Variants in DRC8 observed in about 807,000 individuals in gnomAD.
The protein encoded by DRC8 is dynein regulatory complex subunit 8, also known as dynein regulatory complex protein 8.
At chr1:245,075,507 C>T in the DRC8 span, 1 of 152,174 alleles carries the variant, frequency 6.6e-6, no homozygotes, top group Non-Finnish European at 1.5e-5. Context: ...GAATTTGGGC[C>T]CCTTTGTGTG....
At chr1:245,029,711 T>G in the DRC8 span, among the ~76,000 whole-genome samples, 5 of 151,928 alleles carry the variant, frequency 3.3e-5, no homozygotes, top group Admixed American at 6.6e-5. Context: ...TTCTCCTGCC[T>G]CAGCCTCCCA....
At chr1:245,029,888 G>T in the DRC8 span, among the ~76,000 whole-genome samples, 2 of 152,284 alleles carry the variant, frequency 1.3e-5, no homozygotes, top group East Asian at 3.9e-4. Flanking sequence ...GAGCCACTGT[G>T]CCCAGCCTAT....
At chr1:245,114,879 C>T in the DRC8 span, among the ~76,000 whole-genome samples, 1 of 151,782 alleles carries the variant, frequency 6.6e-6, no homozygotes, top group Non-Finnish European at 1.5e-5. Flanking sequence ...GCACATGCCA[C>T]CATGCCCAAC....
At chr1:245,118,800 G>C in the DRC8 span, among the ~76,000 whole-genome samples, 1 of 70,994 alleles carries the variant, frequency 1.4e-5, no homozygotes, top group African/African-American at 8.5e-5. Context: ...CTCAAAAAAA[G>C]AAAAGAAAAG....
At chr1:245,076,210 A>G in the DRC8 span, among the ~76,000 whole-genome samples, 1 of 152,226 alleles carries the variant, frequency 6.6e-6, no homozygotes, top group East Asian at 1.9e-4. Flanking sequence ...ATTGCATGTC[A>G]TAGAACCAGA....
the DRC8 span, chr1:245,082,176 T>A: frequency 1.2e-6 from 2 of 1,600,934 alleles, no homozygotes; most frequent in Non-Finnish European, 1.7e-6. Flanking sequence ...AGTAAGTAAA[T>A]GCAATTGTTA....
At chr1:245,091,539 TGC>T in the DRC8 span, 17 of 152,342 alleles carry the variant, frequency 1.1e-4, no homozygotes, top group African/African-American at 4.1e-4. Flanking sequence ...GCGTCGAGAT[TGC>T]CTACCTCCCC....
the DRC8 span, among the ~76,000 whole-genome samples, chr1:244,987,910 C>T: frequency 1.3e-5 from 2 of 152,266 alleles, no homozygotes; most frequent in African/African-American, 4.8e-5. Context: ...CTCAGCTGCA[C>T]TATTTGTTTA....
At chr1:245,040,671 G>A in the DRC8 span, among the ~76,000 whole-genome samples, 1 of 152,204 alleles carries the variant, frequency 6.6e-6, no homozygotes, top group Non-Finnish European at 1.5e-5. Flanking sequence ...TCTGGGCACG[G>A]TGGCTCATGC....
At chr1:244,988,819 A>G in the DRC8 span, among the ~76,000 whole-genome samples, 22 of 152,340 alleles carry the variant, frequency 1.4e-4, no homozygotes, top group African/African-American at 4.8e-4. Flanking sequence ...GAATATTCCT[A>G]TAGTTCAGGT....
At chr1:245,031,622 T>A in the DRC8 span, among the ~76,000 whole-genome samples, 1 of 152,142 alleles carries the variant, frequency 6.6e-6, no homozygotes, top group Non-Finnish European at 1.5e-5. Flanking sequence ...TCTCCATGAC[T>A]ATTGTGTTAA....
the DRC8 span, among the ~76,000 whole-genome samples, chr1:245,030,116 G>A: frequency 1.3e-5 from 2 of 152,166 alleles, no homozygotes; most frequent in Admixed American, 1.3e-4. Context: ...GAAAAGTGTG[G>A]AAGACTTAAT....
At chr1:244,997,748 T>G in the DRC8 span, among the ~76,000 whole-genome samples, 4 of 152,098 alleles carry the variant, frequency 2.6e-5, no homozygotes. Flanking sequence ...TTTCACCATG[T>G]TGGCCAGGCT....
chr1:245,044,550 GATTTATTTATTTATTTATTTATTT>G, the DRC8 span, among the ~76,000 whole-genome samples: 2 of 149,898 alleles, frequency 1.3e-5, no homozygotes, highest in East Asian at 2.0e-4. Flanking sequence ...GCCCAGGCTG[GATTTATTTATTTATTTATTTATTT>G]ATTTATTTAT....
At chr1:244,989,656 C>G in the DRC8 span, among the ~76,000 whole-genome samples, 2 of 152,140 alleles carry the variant, frequency 1.3e-5, no homozygotes, top group East Asian at 3.8e-4. Flanking sequence ...CTCTGTCTCC[C>G]CATTCCGTAG....
chr1:244,987,078 T>A, the DRC8 span, among the ~76,000 whole-genome samples: 1 of 152,234 alleles, frequency 6.6e-6, no homozygotes, highest in African/African-American at 2.4e-5. Context: ...TGATTTACTA[T>A]AGCTGGTCTG....
the DRC8 span, among the ~76,000 whole-genome samples, chr1:244,994,890 T>A: frequency 6.6e-6 from 1 of 152,234 alleles, no homozygotes; most frequent in Non-Finnish European, 1.5e-5. Context: ...TACTGTATTA[T>A]GTTTTCCTGG....
chr1:245,071,458 G>A, the DRC8 span, among the ~76,000 whole-genome samples: 1 of 152,198 alleles, frequency 6.6e-6, no homozygotes, highest in East Asian at 1.9e-4. Context: ...AAAGGACGTC[G>A]TTGCTATAAC....
chr1:245,058,499 G>T, the DRC8 span, among the ~76,000 whole-genome samples: 1 of 152,056 alleles, frequency 6.6e-6, no homozygotes, highest in African/African-American at 2.4e-5. Context: ...CGTTTTCTTT[G>T]TAAATAGGGA....
Sources: gnomAD v4.1 joint callset for allele counts (sites outside exome capture counted in the v4.1 genomes callset) on GRCh38, gnomAD v4.1.1 for gene constraint, MANE v1.5 for transcripts, NCBI Gene and HGNC (gene_info 2026-07-23, HGNC 2026-07-21) for gene names.